Variants in MARCHF6 observed in about 807,000 individuals in gnomAD.
The protein encoded by MARCHF6 is membrane associated ring-CH-type finger 6.
MARCHF6 carries 31 observed loss-of-function variants against 133.7 expected under a neutral mutation model. That is an observed-to-expected ratio of 0.23 (90% CI 0.17 to 0.31). The LOEUF (loss-of-function observed/expected upper bound fraction) is 0.31. MARCHF6 is among the 10% of genes least tolerant of loss of function. The pLI is 1.00. For synonymous variants in MARCHF6, 395 were observed against 402.5 expected, an observed-to-expected ratio of 0.98 and a Z score of 0.22; for missense variants, 723 against 1,121.6, an observed-to-expected ratio of 0.64 and a Z score of 5.08.
intron 9 of MARCHF6, among the ~76,000 whole-genome samples, chr5:10,396,380 A>C (rs1244212699): frequency 6.6e-6 from 1 of 152,192 alleles, no homozygotes; most frequent in African/African-American, 2.4e-5. Flanking sequence ...ACAGAGGTTG[A>C]AGTATAAAAT....
chr5:10,391,780 T>G, intron 7 of MARCHF6, 49 bp downstream of exon 7: 1 of 1,402,288 alleles, frequency 7.1e-7, no homozygotes, highest in Non-Finnish European at 9.3e-7. Flanking sequence ...AAATCTGTTC[T>G]CAACTTGCAT....
intron 14 of MARCHF6, 45 bp from the exon 15 acceptor site, chr5:10,403,362 A>G: frequency 6.3e-7 from 1 of 1,577,344 alleles, no homozygotes; most frequent in Non-Finnish European, 8.6e-7. Flanking sequence ...AACTTGGCAA[A>G]TGTAGGGGGC....
intron 18 of MARCHF6, among the ~76,000 whole-genome samples, chr5:10,411,072 C>G (rs138360742): frequency 6.6e-6 from 1 of 152,172 alleles, no homozygotes; most frequent in East Asian, 1.9e-4. Context: ...CTTTCAGTTA[C>G]TGATTTCTTC....
intron 1 of MARCHF6, among the ~76,000 whole-genome samples, chr5:10,359,524 A>AT (rs915642505): frequency 1.3e-4 from 19 of 151,808 alleles, no homozygotes; most frequent in Admixed American, 9.2e-4. Flanking sequence ...GCATAATTTT[A>AT]TTTTTTTTGC....
In MARCHF6 at chr5:10,415,472, G is replaced by A. The variant is rs1739453974; in HGVS notation, c.1967-16G>A. Reference sequence around the variant, plus strand: ...ACCTAGCCACATGTCTCATTTATCAGCTTTTCTATTTTCAGTATTTGCTGG... The same window carrying A: ...ACCTAGCCACATGTCTCATTTATCAACTTTTCTATTTTCAGTATTTGCTGG... On this transcript the variant is annotated splice_polypyrimidine_tract_variant and intron_variant, in intron 20 of 25. Transcript: ENST00000274140. The A allele has an allele frequency of 6.2e-7, 1 of 1,602,634 alleles. No homozygotes were observed. Among genetic ancestry groups the A allele is most frequent in the South Asian group, 1.1e-5 (1 of 90,242 alleles).
At chr5:10,374,920 A>G (rs1013854614) in intron 1 of MARCHF6, among the ~76,000 whole-genome samples, 6 of 152,202 alleles carry the variant, frequency 3.9e-5, no homozygotes, top group Non-Finnish European at 5.9e-5. Context: ...GGATTGTCCC[A>G]TTGATAGTTA....
chr5:10,365,669 C>T (rs1243075676), intron 1 of MARCHF6, among the ~76,000 whole-genome samples: 1 of 152,120 alleles, frequency 6.6e-6, no homozygotes, highest in East Asian at 1.9e-4. Flanking sequence ...TATACGCTCA[C>T]CCTCAAAAAG....
chr5:10,369,327 G>GA lies in MARCHF6; in HGVS notation c.20-8466dup, dbSNP rs148138571. Among the ~76,000 whole-genome samples the GA allele has an allele frequency of 9.9e-4, 150 of 152,244 alleles. 2 individuals carry two copies. In the East Asian group the frequency reaches 0.023, roughly 24 times the overall value. The stretch of plus-strand genomic sequence containing the variant: ...AACATCAGTTTCTACCTGGTTGGAT[G>GA]AAAAACGTGTGCTCATTGGGTGTAC... On this transcript the variant is annotated intron_variant, in intron 1 of 25. Transcript: ENST00000274140.
Position 10,430,073 on chromosome 5 carries a change from T to C in MARCHF6, c.2642+45T>C, listed in dbSNP as rs111351311. The C allele has an allele frequency of 2.1e-5, 33 of 1,571,458 alleles. No homozygotes were observed. The African/African-American group carries it at 3.8e-4, about 18-fold the overall frequency. ...CGTCTCTTGTTTAAGTGTTTTCACT[T>C]CTTAATTTATGTATCTGATGTGACA... is the stretch of plus-strand genomic sequence containing the variant. On this transcript the variant is annotated intron_variant, in intron 25 of 25. Transcript: ENST00000274140.
At chr5:10,405,716 A>G (rs769585640) in intron 16 of MARCHF6, 39 bp downstream of exon 16, 2 of 1,556,966 alleles carry the variant, frequency 1.3e-6, no homozygotes, top group Non-Finnish European at 8.6e-7. Flanking sequence ...TTTTGAATTA[A>G]TTGTGCTAAC....
chr5:10,401,893 A>C (rs111428431), intron 11 of MARCHF6, 166 bp from the exon 12 acceptor site: 8 of 595,400 alleles, frequency 1.3e-5, no homozygotes, highest in African/African-American at 7.4e-5. Flanking sequence ...TCAGTGAGAG[A>C]ATTTGGTTTT....
chr5:10,420,956 G>C (rs1739791935), intron 22 of MARCHF6, among the ~76,000 whole-genome samples: 1 of 152,132 alleles, frequency 6.6e-6, no homozygotes, highest in East Asian at 1.9e-4. Context: ...CCTAACATAA[G>C]CTGAAATCCT....
rs1740742475 is a variant in MARCHF6 at position 10,438,780 on chromosome 5, G to T, written c.*5096G>T. 1 of 152,186 alleles carries T rather than the reference G, an allele frequency of 6.6e-6. No homozygotes were observed. Among genetic ancestry groups the T allele is most frequent in the Non-Finnish European group, 1.5e-5 (1 of 68,030 alleles). 9.4% of individuals were successfully genotyped at this position (152,186 alleles called of 1,614,324 possible). A position where few individuals can be genotyped will look rare whatever the true frequency, so the allele number is the denominator to read the frequency against. On this transcript the variant is annotated 3_prime_UTR_variant, in exon 26 of 26. Coordinates refer to ENST00000274140, the MANE Select transcript of MARCHF6 (RefSeq NM_005885.4). ...AAATGCCATGGGGAACACAGAGAAA[G>T]GTTCACCCGGGAGAGATGGCCTAGC... is the stretch of plus-strand genomic sequence containing the variant.
chr5:10,390,479 T>G lies in MARCHF6; in HGVS notation c.555T>G (p.Ala185=), dbSNP rs144846540. 3.7e-6 allele frequency: 6 copies of G among 1,613,284 alleles called. No individual in the cohort carries two copies. Among genetic ancestry groups the G allele is most frequent in the Non-Finnish European group, 4.2e-6 (5 of 1,179,788 alleles). Residue 185 remains alanine, a synonymous_variant, in exon 6 of 26, where the codon GCT becomes GCG. Transcript: ENST00000274140. ...WLEHAAPPFN[A]AGHHQNEAPA... ...AGCATGCTGCCCCACCGTTCAATGC[T>G]GCGGGGCATCACCAAAATGAGGTAA...
chr5:10,360,156 T>TG (rs1327240984), intron 1 of MARCHF6, among the ~76,000 whole-genome samples: 2 of 146,344 alleles, frequency 1.4e-5, no homozygotes, highest in South Asian at 2.2e-4. Flanking sequence ...TTTTTTTTTT[T>TG]TTTTTTTTTT....
chr5:10,368,712 T>TG (rs1214706854), intron 1 of MARCHF6, among the ~76,000 whole-genome samples: 32 of 152,262 alleles, frequency 2.1e-4, no homozygotes, highest in Non-Finnish European at 4.3e-4. Flanking sequence ...CGCAAGTAGC[T>TG]GGTACTACAG....
chr5:10,380,193 T>A (rs1271940675), intron 3 of MARCHF6, among the ~76,000 whole-genome samples: 2 of 138,506 alleles, frequency 1.4e-5, no homozygotes, highest in African/African-American at 2.8e-5. Flanking sequence ...GTGTGTGTGT[T>A]TAAGCATCTT....
At chr5:10,426,602 T>TG in intron 24 of MARCHF6, 80 bp downstream of exon 24, 1 of 1,434,616 alleles carries the variant, frequency 7.0e-7, no homozygotes, top group Non-Finnish European at 9.6e-7. Context: ...GTAAAAAGGA[T>TG]GTCTCACTCC....
intron 19 of MARCHF6, 140 bp downstream of exon 19, chr5:10,411,677 C>T (rs759150774): frequency 3.7e-5 from 21 of 573,732 alleles, no homozygotes; most frequent in Admixed American, 2.7e-4. Flanking sequence ...CATTATGTAA[C>T]GTAAATGATT....
Sources: gnomAD v4.1 joint callset for allele counts (sites outside exome capture counted in the v4.1 genomes callset) on GRCh38, gnomAD v4.1.1 for gene constraint, MANE v1.5 for transcripts, NCBI Gene and HGNC (gene_info 2026-07-23, HGNC 2026-07-21) for gene names.